The following TRPM3 variants were observed in gnomAD, a reference collection of about 807,000 sequenced individuals.
TRPM3 encodes the protein long transient receptor potential channel 3.
Under a neutral mutation model 181.2 loss-of-function variants are expected in TRPM3, and 77 were observed. The ratio of observed to expected loss-of-function variants is 0.42; its 90% CI spans 0.35 to 0.51. TRPM3 has a LOEUF of 0.51. Among genes scored for constraint, TRPM3 ranks in the 20% least tolerant of loss-of-function variants. The pLI, the probability that TRPM3 is intolerant of heterozygous loss-of-function variation, is 0.01. For synonymous variants in TRPM3, 745 were observed against 796.4 expected, an observed-to-expected ratio of 0.94 and a Z score of 1.09; for missense variants, 1,759 against 2,196.7, an observed-to-expected ratio of 0.80 and a Z score of 3.98.
At chr9:70,557,551 T>C (rs1437378335) in intron 22 of TRPM3, among the ~76,000 whole-genome samples, 2 of 152,190 alleles carry the variant, frequency 1.3e-5, no homozygotes, top group Non-Finnish European at 2.9e-5. Context: ...ACTGGTGCCT[T>C]AAAACCCTGA....
intron 1 of TRPM3, among the ~76,000 whole-genome samples, chr9:70,884,319 A>G (rs1220085794): frequency 6.6e-6 from 1 of 152,246 alleles, no homozygotes; most frequent in Admixed American, 6.5e-5. Flanking sequence ...TATTACCTCC[A>G]ACCCTAACTC....
At chr9:70,892,730 T>TA (rs2096228125) in intron 1 of TRPM3, among the ~76,000 whole-genome samples, 1 of 152,152 alleles carries the variant, frequency 6.6e-6, no homozygotes, top group Non-Finnish European at 1.5e-5. Flanking sequence ...AGTTTTCAAT[T>TA]AAAGAGGCTA....
At chr9:71,200,944 A>G (rs1473227756) in intron 1 of TRPM3, among the ~76,000 whole-genome samples, 12 of 151,646 alleles carry the variant, frequency 7.9e-5, no homozygotes, top group Admixed American at 7.9e-4. Flanking sequence ...TTTGCTCGTT[A>G]GTTGATGCAG....
chr9:70,783,568 T>C (rs2082937373), intron 7 of TRPM3, among the ~76,000 whole-genome samples: 1 of 151,700 alleles, frequency 6.6e-6, no homozygotes, highest in African/African-American at 2.4e-5. Flanking sequence ...TCAACAGGAG[T>C]TTACAAAGGA....
intron 4 of TRPM3, among the ~76,000 whole-genome samples, chr9:70,846,146 G>C (rs2094943354): frequency 6.6e-6 from 1 of 152,166 alleles, no homozygotes; most frequent in African/African-American, 2.4e-5. Context: ...ATTCTGTATA[G>C]TCAACTATTA....
chr9:71,384,808 C>G (rs2132897410), intron 1 of TRPM3, among the ~76,000 whole-genome samples: 1 of 152,216 alleles, frequency 6.6e-6, no homozygotes, highest in Admixed American at 6.5e-5. Context: ...CCAGGTGAGA[C>G]TTTAGATTGT....
chr9:70,775,720 C>G (rs572299148), intron 7 of TRPM3: 2 of 152,132 alleles, frequency 1.3e-5, no homozygotes, highest in East Asian at 3.9e-4. Flanking sequence ...CTTTGAAATG[C>G]AAATTACCTG....
intron 1 of TRPM3, among the ~76,000 whole-genome samples, chr9:71,045,648 T>G (rs564174959): frequency 2.0e-5 from 3 of 152,254 alleles, no homozygotes; most frequent in Non-Finnish European, 4.4e-5. Flanking sequence ...CAAGAAATTT[T>G]TGACTGGGAG....
intron 6 of TRPM3, among the ~76,000 whole-genome samples, chr9:70,819,988 C>G (rs1257953528): frequency 6.6e-6 from 1 of 152,082 alleles, no homozygotes; most frequent in Non-Finnish European, 1.5e-5. Flanking sequence ...GATATTGACT[C>G]AAATCTAATA....
chr9:71,279,034 T>TAAAAAAAAAAAAAAAAAAAAAAAAAAAA (rs200421016), intron 1 of TRPM3, among the ~76,000 whole-genome samples: 2 of 47,488 alleles, frequency 4.2e-5, no homozygotes, highest in African/African-American at 1.0e-4. Flanking sequence ...CCTGCTTAGG[T>TAAAAAAAAAAAAAAAAAAAAAAAAAAAA]TAAAAAAAAT....
chr9:70,993,401 C>A (rs919238234), intron 1 of TRPM3, among the ~76,000 whole-genome samples: 5 of 151,938 alleles, frequency 3.3e-5, no homozygotes, highest in African/African-American at 1.2e-4. Flanking sequence ...TTCTAATGGG[C>A]TAACTGGGAG....
At chr9:71,408,511 A>G (rs1015007211) in intron 1 of TRPM3, among the ~76,000 whole-genome samples, 2 of 152,226 alleles carry the variant, frequency 1.3e-5, no homozygotes, top group Non-Finnish European at 2.9e-5. Flanking sequence ...TCAGTGATTG[A>G]AGATCAAATG....
chr9:71,397,764 A>T (rs1301460510), intron 1 of TRPM3, among the ~76,000 whole-genome samples: 4 of 141,308 alleles, frequency 2.8e-5, no homozygotes, highest in African/African-American at 5.4e-5. Flanking sequence ...TTTACATCAG[A>T]AAAAGAAAAA....
At chr9:70,618,097 C>T (rs2133153158) in intron 17 of TRPM3, among the ~76,000 whole-genome samples, 1 of 152,252 alleles carries the variant, frequency 6.6e-6, no homozygotes, top group South Asian at 2.1e-4. Flanking sequence ...TTCTGTCTTT[C>T]TTTTCCTTTT....
At chr9:70,939,535 T>C (rs1241921433) in intron 1 of TRPM3, among the ~76,000 whole-genome samples, 1 of 152,238 alleles carries the variant, frequency 6.6e-6, no homozygotes, top group Non-Finnish European at 1.5e-5. Context: ...TTTCTTGAGA[T>C]AAATCAACAA....
rs10527749 is a variant in TRPM3, at chr9:70,980,067, GCACA to G, written c.178-115560_178-115557del. ...AGCATGTGTGGCCATGCATGTGCGTGCACACACACACACACACACACACACACAC... is the reference window on the plus strand; with the variant it reads ...AGCATGTGTGGCCATGCATGTGCGTGCACACACACACACACACACACACAC... On this transcript the variant is annotated intron_variant, in intron 1 of 25. Coordinates refer to ENST00000677713, the MANE Select transcript of TRPM3 (RefSeq NM_001366145.2). Among the ~76,000 whole-genome samples, 28 of 137,978 alleles carry G rather than the reference GCACA, an allele frequency of 2.0e-4. No individual in the cohort carries two copies. In the East Asian group the frequency reaches 2.1e-3, roughly 10 times the overall value. 90.5% of individuals were successfully genotyped at this position (137,978 alleles called of 152,430 possible).
chr9:70,558,620 G>A (rs892593755), intron 22 of TRPM3, among the ~76,000 whole-genome samples: 2 of 152,176 alleles, frequency 1.3e-5, no homozygotes, highest in African/African-American at 4.8e-5. Context: ...AGAAACTAAT[G>A]ACACAGATTA....
intron 8 of TRPM3, among the ~76,000 whole-genome samples, chr9:70,749,722 C>A (rs1365035533): frequency 6.6e-6 from 1 of 152,164 alleles, no homozygotes; most frequent in Non-Finnish European, 1.5e-5. Flanking sequence ...AAAATGAAGT[C>A]ATCCTGGAGA....
At chr9:70,559,187 A>G (rs2048454829) in intron 22 of TRPM3, among the ~76,000 whole-genome samples, 1 of 152,192 alleles carries the variant, frequency 6.6e-6, no homozygotes, top group African/African-American at 2.4e-5. Context: ...CTAGAACACT[A>G]CCTGGCACAT....
Sources: allele counts gnomAD v4.1 joint callset (sites outside exome capture counted in the v4.1 genomes callset), GRCh38; gene constraint gnomAD v4.1.1; transcripts MANE v1.5; gene names NCBI Gene and HGNC (gene_info 2026-07-23, HGNC 2026-07-21).